Variants in NTM observed in about 807,000 individuals in gnomAD.
NTM encodes neurotrimin.
Under a neutral mutation model 42.1 loss-of-function variants are expected in NTM, and 13 were observed. The ratio of observed to expected loss-of-function variants is 0.31; its 90% CI spans 0.20 to 0.49. NTM has a LOEUF of 0.49. Ranked by LOEUF, NTM falls within the 20% of genes least tolerant of loss-of-function variation. NTM has a pLI of 0.99. For synonymous variants in NTM, 187 were observed against 179.2 expected (o/e 1.04, Z -0.35); for missense variants, 373 against 452.8 (o/e 0.82, Z 1.60).
intron 1 of NTM, among the ~76,000 whole-genome samples, chr11:131,865,127 C>A (rs1409760813): frequency 6.6e-6 from 1 of 152,180 alleles, no homozygotes; most frequent in Non-Finnish European, 1.5e-5. Context: ...AGACAATGTA[C>A]AAGTCCCCAA....
chr11:132,162,762 ATGTGTGTGTTTGTGGGACCTGTGTGTG>A (rs2074598224), intron 3 of NTM, among the ~76,000 whole-genome samples: 2 of 121,102 alleles, frequency 1.7e-5, no homozygotes, highest in Admixed American at 8.6e-5. Context: ...TGTGTGGGAC[ATGTGTGTGTTTGTGGGACCTGTGTGTG>A]TGTGTGTGTT....
chr11:131,476,978 T>A (rs576251634), intron 1 of NTM, among the ~76,000 whole-genome samples: 1 of 152,288 alleles, frequency 6.6e-6, no homozygotes, highest in East Asian at 1.9e-4. Flanking sequence ...TAGGGGGCAC[T>A]TGCTATGCAT....
intron 4 of NTM, among the ~76,000 whole-genome samples, chr11:132,280,585 A>T (rs2093938335): frequency 6.8e-6 from 1 of 147,538 alleles, no homozygotes; most frequent in African/African-American, 2.5e-5. Context: ...TCCCAGGTTC[A>T]AGCGATTCTC....
intron 7 of NTM, among the ~76,000 whole-genome samples, chr11:132,322,761 T>C (rs1389181773): frequency 2.1e-5 from 3 of 143,142 alleles, no homozygotes; most frequent in African/African-American, 5.2e-5. Flanking sequence ...TATTCCAAAA[T>C]TGACCACATA....
intron 1 of NTM, among the ~76,000 whole-genome samples, chr11:131,784,955 C>A (rs1279309102): frequency 6.6e-6 from 1 of 152,062 alleles, no homozygotes; most frequent in African/African-American, 2.4e-5. Context: ...TCTTTGCAAG[C>A]AACTTAATCA....
intron 1 of NTM, among the ~76,000 whole-genome samples, chr11:131,903,012 C>T (rs1038116283): frequency 3.3e-5 from 5 of 151,880 alleles, no homozygotes; most frequent in Non-Finnish European, 7.4e-5. Context: ...CAGGATGAGT[C>T]TAAACCATGA....
intron 2 of NTM, among the ~76,000 whole-genome samples, chr11:131,921,137 C>T (rs533683363): frequency 2.2e-4 from 34 of 152,306 alleles, no homozygotes; most frequent in African/African-American, 6.3e-4. Context: ...TGTCCCATCT[C>T]CCCACCATAA....
intron 1 of NTM, among the ~76,000 whole-genome samples, chr11:131,421,259 C>T (rs543917929): frequency 1.4e-4 from 21 of 152,324 alleles, no homozygotes; most frequent in Admixed American, 3.9e-4. Context: ...CCTGGATGAC[C>T]AAAGGCCCTT....
intron 1 of NTM, among the ~76,000 whole-genome samples, chr11:131,621,033 T>A (rs1264343188): frequency 6.6e-6 from 1 of 152,194 alleles, no homozygotes. Context: ...TGTAATTGTA[T>A]GTTGAAAGAA....
At chr11:132,013,350 A>C (rs1168852788) in intron 2 of NTM, among the ~76,000 whole-genome samples, 1 of 152,178 alleles carries the variant, frequency 6.6e-6, no homozygotes, top group Non-Finnish European at 1.5e-5. Context: ...GTGCTTAGAG[A>C]GTCACTGATG....
At chr11:131,396,164 T>C (rs975528692) in intron 1 of NTM, among the ~76,000 whole-genome samples, 1 of 152,190 alleles carries the variant, frequency 6.6e-6, no homozygotes, top group Non-Finnish European at 1.5e-5. Flanking sequence ...GCTGACCACT[T>C]GCTTCATTTT....
intron 1 of NTM, chr11:131,385,213 C>T (rs567286796): frequency 6.6e-6 from 1 of 152,326 alleles, no homozygotes; most frequent in African/African-American, 2.4e-5. Flanking sequence ...GGCCTACCAC[C>T]ATGGAAAGAG....
intron 1 of NTM, among the ~76,000 whole-genome samples, chr11:131,532,698 G>A (rs397034): frequency 0.79 from 120,733 of 152,222 alleles, 48,172 homozygotes; most frequent in Non-Finnish European, 0.84. Context: ...GTGTACAAGG[G>A]TTCTGGTTTC....
At chr11:132,059,372 T>A (rs573189565) in intron 2 of NTM, among the ~76,000 whole-genome samples, 38 of 152,316 alleles carry the variant, frequency 2.5e-4, no homozygotes, top group African/African-American at 9.1e-4. Context: ...TAGAGACGCA[T>A]TTGCTGCCTC....
chr11:131,797,454 A>G (rs1011752597), intron 1 of NTM, among the ~76,000 whole-genome samples: 2 of 152,200 alleles, frequency 1.3e-5, no homozygotes, highest in African/African-American at 4.8e-5. Context: ...ATGGCAACAC[A>G]TTTGTTTATT....
At chr11:131,971,771 C>T (rs148436986) in intron 2 of NTM, among the ~76,000 whole-genome samples, 15,290 of 151,666 alleles carry the variant, frequency 0.1, 801 homozygotes, top group East Asian at 0.19. Context: ...ATTAGCTGGG[C>T]GCAGTGGCTC....
At chr11:132,315,810 G>C (rs910755950) in intron 7 of NTM, among the ~76,000 whole-genome samples, 1 of 152,138 alleles carries the variant, frequency 6.6e-6, no homozygotes, top group African/African-American at 2.4e-5. Context: ...AGAGAGCTGG[G>C]AAGGAGAAAG....
chr11:131,583,856 G>T (rs2058628072), intron 1 of NTM, among the ~76,000 whole-genome samples: 2 of 152,116 alleles, frequency 1.3e-5, no homozygotes, highest in African/African-American at 4.8e-5. Flanking sequence ...ACCCATAGAT[G>T]AACCCCTGAG....
chr11:131,828,881 CT>C (rs1388881812), intron 1 of NTM, among the ~76,000 whole-genome samples: 1 of 152,014 alleles, frequency 6.6e-6, no homozygotes, highest in East Asian at 1.9e-4. Context: ...AAAATTAAAG[CT>C]AGTAAAAATG....
Sources: allele counts gnomAD v4.1 joint callset (sites outside exome capture counted in the v4.1 genomes callset), GRCh38; gene constraint gnomAD v4.1.1; transcripts MANE v1.5; gene names NCBI Gene and HGNC (gene_info 2026-07-23, HGNC 2026-07-21).